The following RAD51B variants were observed in gnomAD, a reference collection of about 807,000 sequenced individuals.
The protein encoded by RAD51B is RAD51 paralog B, also known as DNA repair protein RAD51 homolog 2.
A neutral mutation model predicts 42.2 loss-of-function variants in RAD51B; 38 were observed. That is an observed-to-expected ratio of 0.90 (90% confidence interval 0.70 to 1.18). The LOEUF (loss-of-function observed/expected upper bound fraction) is 1.18. RAD51B is among the 50% of genes most tolerant of loss of function. The probability of loss-of-function intolerance (pLI) is 0.00; values close to 1 mark genes in which losing one functional copy is unlikely to be tolerated. For missense variants in RAD51B, 373 were observed against 400.7 expected, an observed-to-expected ratio of 0.93 and a Z score of 0.59; for synonymous variants, 154 against 145.2, an observed-to-expected ratio of 1.06 and a Z score of -0.43.
chr14:68,127,052 A>T (rs560347819), intron 7 of RAD51B, among the ~76,000 whole-genome samples: 1 of 152,344 alleles, frequency 6.6e-6, no homozygotes, highest in African/African-American at 2.4e-5. Context: ...CTTAAAAGAA[A>T]GTAGTTATCC....
At chr14:68,164,997 C>CA (rs1352918435) in intron 7 of RAD51B, among the ~76,000 whole-genome samples, 1 of 152,196 alleles carries the variant, frequency 6.6e-6, no homozygotes, top group African/African-American at 2.4e-5. Flanking sequence ...TTTAGACACT[C>CA]ACGTATTTGT....
intron 7 of RAD51B, among the ~76,000 whole-genome samples, chr14:68,205,763 A>G: frequency 6.6e-6 from 1 of 152,116 alleles, no homozygotes; most frequent in East Asian, 1.9e-4. Context: ...ATATGCATAT[A>G]TATGTATAAT....
At chr14:67,882,581 A>G (rs952478817) in intron 5 of RAD51B, among the ~76,000 whole-genome samples, 1 of 152,186 alleles carries the variant, frequency 6.6e-6, no homozygotes, top group Non-Finnish European at 1.5e-5. Context: ...GTTTACATAC[A>G]TGGATTTCCT....
intron 8 of RAD51B, among the ~76,000 whole-genome samples, chr14:68,350,290 T>A (rs1481673367): frequency 1.3e-5 from 2 of 152,266 alleles, no homozygotes; most frequent in Non-Finnish European, 2.9e-5. Context: ...TGCATTCTGA[T>A]GTTTTCAGAA....
chr14:68,495,835 C>T (rs1299860102), intron 10 of RAD51B, among the ~76,000 whole-genome samples: 1 of 152,194 alleles, frequency 6.6e-6, no homozygotes, highest in African/African-American at 2.4e-5. Flanking sequence ...TTAAGGGCTG[C>T]CCCTGTGTTC....
intron 7 of RAD51B, among the ~76,000 whole-genome samples, chr14:68,285,271 A>C (rs2081392185): frequency 6.6e-6 from 1 of 152,254 alleles, no homozygotes; most frequent in Non-Finnish European, 1.5e-5. Context: ...TTTCTGACTT[A>C]TCCCAGGCCT....
intron 10 of RAD51B, among the ~76,000 whole-genome samples, chr14:68,527,685 C>A (rs1887022395): frequency 6.6e-6 from 1 of 152,222 alleles, no homozygotes; most frequent in African/African-American, 2.4e-5. Context: ...CTACATAATG[C>A]ACCAATAGAA....
exon 11 of RAD51B, chr14:68,594,781 G>A: frequency 3.2e-6 from 4 of 1,246,528 alleles, no homozygotes; most frequent in Non-Finnish European, 4.1e-6. Flanking sequence ...GATGTGTGTA[G>A]GGCCACAAGA....
intron 7 of RAD51B, among the ~76,000 whole-genome samples, chr14:67,916,548 AT>A (rs112376277): frequency 0.037 from 5,400 of 147,372 alleles, 346 homozygotes; most frequent in African/African-American, 0.12. Context: ...TGACAGTAAT[AT>A]TTTTTTTTTT....
At chr14:68,316,497 G>T (rs190871762) in intron 8 of RAD51B, among the ~76,000 whole-genome samples, 1 of 152,196 alleles carries the variant, frequency 6.6e-6, no homozygotes, top group Admixed American at 6.5e-5. Flanking sequence ...GCAACATTAG[G>T]TAGAAGAAAT....
chr14:68,075,279 G>A (rs975171199), intron 7 of RAD51B, among the ~76,000 whole-genome samples: 1 of 152,136 alleles, frequency 6.6e-6, no homozygotes, highest in African/African-American at 2.4e-5. Flanking sequence ...GCATACTGGA[G>A]GTATGAGTAA....
chr14:68,149,401 T>G (rs1308239605), intron 7 of RAD51B, among the ~76,000 whole-genome samples: 3 of 152,368 alleles, frequency 2.0e-5, no homozygotes, highest in Non-Finnish European at 4.4e-5. Flanking sequence ...GTGTTTAGAC[T>G]GATGTGAATG....
chr14:67,998,017 A>T (rs1392110094), intron 7 of RAD51B, among the ~76,000 whole-genome samples: 1 of 152,176 alleles, frequency 6.6e-6, no homozygotes, highest in Non-Finnish European at 1.5e-5. Context: ...CCCTTTTGAC[A>T]CTTGTTAGAG....
At chr14:68,031,235 G>A (rs1046087352) in intron 7 of RAD51B, among the ~76,000 whole-genome samples, 3 of 152,098 alleles carry the variant, frequency 2.0e-5, no homozygotes, top group Admixed American at 6.6e-5. Context: ...AAAAGAGAAC[G>A]GGGATCAAGT....
intron 4 of RAD51B, among the ~76,000 whole-genome samples, chr14:67,840,986 G>A (rs1235495176): frequency 6.6e-6 from 1 of 152,050 alleles, no homozygotes; most frequent in Non-Finnish European, 1.5e-5. Flanking sequence ...TTTTAGTAGA[G>A]ATGGGGTTTC....
chr14:68,291,819 T>A, intron 7 of RAD51B, 65 bp from the exon 8 acceptor site: 2 of 1,255,574 alleles, frequency 1.6e-6, no homozygotes, highest in Non-Finnish European at 2.3e-6. Flanking sequence ...GCTCTAATAA[T>A]TAATTTGGTC....
At chr14:68,131,573 A>G (rs367984787) in intron 7 of RAD51B, among the ~76,000 whole-genome samples, 2 of 152,280 alleles carry the variant, frequency 1.3e-5, no homozygotes, top group African/African-American at 4.8e-5. Flanking sequence ...TCATGCGTCT[A>G]TAATCCCAGC....
At chr14:68,216,151 C>A (rs921538298) in intron 7 of RAD51B, among the ~76,000 whole-genome samples, 1 of 152,182 alleles carries the variant, frequency 6.6e-6, no homozygotes, top group Non-Finnish European at 1.5e-5. Flanking sequence ...AGAGCTCAGA[C>A]CAACCTTTGG....
At chr14:68,652,711 G>T (rs1014015903) in intron 11 of RAD51B, among the ~76,000 whole-genome samples, 1 of 152,186 alleles carries the variant, frequency 6.6e-6, no homozygotes, top group African/African-American at 2.4e-5. Context: ...TTACTTTCTT[G>T]AAGTTAAATG....
Sources: allele counts gnomAD v4.1 joint callset (sites outside exome capture counted in the v4.1 genomes callset), GRCh38; gene constraint gnomAD v4.1.1; transcripts MANE v1.5; gene names NCBI Gene and HGNC (gene_info 2026-07-23, HGNC 2026-07-21).